The following DOCK2 variants were observed in gnomAD, a reference collection of about 807,000 sequenced individuals.
The protein encoded by DOCK2 is dedicator of cytokinesis 2.
A neutral mutation model predicts 248.9 loss-of-function variants in DOCK2; 87 were observed. That is an observed-to-expected ratio of 0.35 (90% CI 0.29 to 0.42). DOCK2 has a LOEUF of 0.42. Among genes scored for constraint, DOCK2 ranks in the 10% least tolerant of loss-of-function variants. The probability of loss-of-function intolerance (pLI) is 1.00; values close to 1 mark genes in which losing one functional copy is unlikely to be tolerated. For synonymous variants in DOCK2, 805 were observed against 821.6 expected (o/e 0.98, Z 0.35); for missense variants, 1,747 against 2,300.2 (o/e 0.76, Z 4.92).
intron 36 of DOCK2, among the ~76,000 whole-genome samples, chr5:170,038,560 C>G (rs1050564280): frequency 6.6e-6 from 1 of 152,180 alleles, no homozygotes; most frequent in Non-Finnish European, 1.5e-5. Flanking sequence ...CCTATTCTGA[C>G]GACTGTTAGC....
rs1454796997 is a variant in DOCK2, at chr5:170,021,945, G to T, written c.3381+2837G>T. Among the ~76,000 whole-genome samples, 8 of 152,164 alleles carry T rather than the reference G, an allele frequency of 5.3e-5. 1 individual carries two copies. In the East Asian group the frequency reaches 1.5e-3, roughly 29 times the overall value. The stretch of plus-strand genomic sequence containing the variant: ...GGTGTGCAAAGTGGCATTAGTACAT[G>T]ATGCCAAAATAATCCCATGAGAGAA... On this transcript the variant is annotated intron_variant, in intron 33 of 51. Transcript: ENST00000520908.
chr5:169,861,918 T>TTTTTC (rs542728501), intron 27 of DOCK2, among the ~76,000 whole-genome samples: 21 of 148,728 alleles, frequency 1.4e-4, no homozygotes, highest in African/African-American at 4.9e-4. Flanking sequence ...TTTATTTATT[T>TTTTTC]TTTTCTTTTC....
intron 27 of DOCK2, among the ~76,000 whole-genome samples, chr5:169,877,814 C>T (rs1327486098): frequency 6.6e-6 from 1 of 151,998 alleles, no homozygotes; most frequent in African/African-American, 2.4e-5. Context: ...CAAACAAAAC[C>T]TCTTCTATTT....
intron 22 of DOCK2, among the ~76,000 whole-genome samples, chr5:169,746,051 G>A (rs1763595543): frequency 6.6e-6 from 1 of 152,168 alleles, no homozygotes; most frequent in Non-Finnish European, 1.5e-5. Context: ...CATAACCAAC[G>A]GGAACATTCA....
At chr5:169,999,641 A>G (rs1754763603) in intron 30 of DOCK2, among the ~76,000 whole-genome samples, 1 of 152,200 alleles carries the variant, frequency 6.6e-6, no homozygotes, top group Non-Finnish European at 1.5e-5. Flanking sequence ...TGAGGCTTCC[A>G]TAGCTATTTA....
chr5:169,852,763 G>A (rs1037739324), intron 27 of DOCK2, among the ~76,000 whole-genome samples: 3 of 152,192 alleles, frequency 2.0e-5, no homozygotes, highest in Non-Finnish European at 4.4e-5. Context: ...TATTTTACAG[G>A]CCTGCCTTTC....
intron 6 of DOCK2, among the ~76,000 whole-genome samples, chr5:169,677,886 T>C (rs1462359756): frequency 6.6e-6 from 1 of 152,154 alleles, no homozygotes; most frequent in Non-Finnish European, 1.5e-5. Flanking sequence ...AAAGGGAAGC[T>C]GGATGTGGGA....
At chr5:169,638,854 C>T (rs531971791) in intron 1 of DOCK2, among the ~76,000 whole-genome samples, 209 of 152,264 alleles carry the variant, frequency 1.4e-3, no homozygotes, top group Non-Finnish European at 2.1e-3. Context: ...AGCAATGGAG[C>T]GGGCCTTAAA....
chr5:169,952,272 A>G (rs1321675945), intron 27 of DOCK2, among the ~76,000 whole-genome samples: 4 of 152,220 alleles, frequency 2.6e-5, no homozygotes, highest in Non-Finnish European at 5.9e-5. Flanking sequence ...ACTCGTCCGT[A>G]TAACAATTTA....
At chr5:169,678,894 T>G (rs955234915) in intron 6 of DOCK2, among the ~76,000 whole-genome samples, 1 of 152,148 alleles carries the variant, frequency 6.6e-6, no homozygotes, top group African/African-American at 2.4e-5. Context: ...TGAATCTAAC[T>G]AGACCAGCAG....
chr5:170,012,281 C>A (rs999988720), intron 32 of DOCK2, among the ~76,000 whole-genome samples: 4 of 147,572 alleles, frequency 2.7e-5, no homozygotes, highest in African/African-American at 9.8e-5. Context: ...GACCAACGAT[C>A]TACGTTTTTT....
chr5:169,749,013 G>A (rs1257037743), intron 23 of DOCK2, among the ~76,000 whole-genome samples: 1 of 152,250 alleles, frequency 6.6e-6, no homozygotes, highest in African/African-American at 2.4e-5. Context: ...TTCTCCTGCA[G>A]CAAATCTCAA....
intron 27 of DOCK2, among the ~76,000 whole-genome samples, chr5:169,860,465 G>A (rs1771132676): frequency 6.6e-6 from 1 of 152,056 alleles, no homozygotes; most frequent in Non-Finnish European, 1.5e-5. Context: ...GGAGGCAGGG[G>A]GTATATCAGA....
intron 2 of DOCK2, 111 bp downstream of exon 2, chr5:169,654,597 A>C (rs1174797598): frequency 1.8e-6 from 2 of 1,104,356 alleles, no homozygotes; most frequent in Non-Finnish European, 2.6e-6. Flanking sequence ...GGTCTATTTA[A>C]AAACGTTTTG....
In DOCK2 at chr5:169,687,734, C is replaced by T. The variant is rs1017287691; in HGVS notation, c.762-1518C>T. 3.3e-5 allele frequency among the ~76,000 whole-genome samples: 5 copies of T among 152,096 alleles called. No homozygotes were observed. In the South Asian group the frequency reaches 8.3e-4, roughly 25 times the overall value. ...GGAGTGATGGGACTGACCAGCATGA[C>T]GGCTGCTAGGAGATATGAGATGGCA... On this transcript the variant is annotated intron_variant, in intron 8 of 51. Transcript: ENST00000520908.
At chr5:169,711,412 A>C (rs1761574933) in intron 15 of DOCK2, among the ~76,000 whole-genome samples, 1 of 152,172 alleles carries the variant, frequency 6.6e-6, no homozygotes, top group African/African-American at 2.4e-5. Flanking sequence ...GGAATCAAAA[A>C]CATCTGGACA....
intron 6 of DOCK2, among the ~76,000 whole-genome samples, chr5:169,677,399 C>T (rs1184064408): frequency 1.3e-5 from 2 of 152,150 alleles, no homozygotes; most frequent in Non-Finnish European, 2.9e-5. Flanking sequence ...TGAAGGCTGC[C>T]CGCAAACTGT....
intron 5 of DOCK2, 62 bp from the exon 6 acceptor site, chr5:169,674,235 T>G: frequency 6.3e-7 from 1 of 1,586,002 alleles, no homozygotes; most frequent in Non-Finnish European, 8.6e-7. Context: ...TGGCACAGCC[T>G]GCCAAATAGA....
chr5:169,826,216 T>C (rs201651904), intron 26 of DOCK2, among the ~76,000 whole-genome samples: 2 of 152,116 alleles, frequency 1.3e-5, no homozygotes, highest in Non-Finnish European at 2.9e-5. Context: ...TCTAAAGAAA[T>C]ATGAACAAAG....
Sources: allele counts gnomAD v4.1 joint callset (sites outside exome capture counted in the v4.1 genomes callset), GRCh38; gene constraint gnomAD v4.1.1; transcripts MANE v1.5; gene names NCBI Gene and HGNC (gene_info 2026-07-23, HGNC 2026-07-21).